Variants in ZNF709 observed in about 807,000 individuals in gnomAD.
ZNF709 encodes zinc finger protein 709.
ZNF709 carries 15 observed loss-of-function variants against 10.6 expected under a neutral mutation model. The ratio of observed to expected loss-of-function variants is 1.41; its 90% CI spans 0.95 to 2.18. The LOEUF (loss-of-function observed/expected upper bound fraction) is 2.18. Ranked by LOEUF, ZNF709 falls within the 30% of genes most tolerant of loss-of-function variation. The pLI, the probability that ZNF709 is intolerant of heterozygous loss-of-function variation, is 0.00. For missense variants in ZNF709, 589 were observed against 774.0 expected (o/e 0.76, Z 2.84); for synonymous variants, 194 against 238.8 (o/e 0.81, Z 1.73).
At chr19:12,477,710 C>CT (rs1044188770) in intron 1 of ZNF709, among the ~76,000 whole-genome samples, 2 of 152,138 alleles carry the variant, frequency 1.3e-5, no homozygotes, top group African/African-American at 4.8e-5. Flanking sequence ...GCTCTTTTAT[C>CT]TTTTTTGCCG....
Position 12,465,608 on chromosome 19 carries a change from C to T in ZNF709, c.314G>A (p.Ser105Asn). ...ACACATATAGTCCTTTCCACACACA[C>T]TACATTCATATGGTTTTACTCTAGT... ...TFTRVKPYEC[S>N]VCGKDYMCHS... Residue 105 changes from serine (S) to asparagine (N), a missense_variant, in exon 4 of 4, where the codon AGT becomes AAT. Physicochemically the swap from Ser to Asn is conservative, Grantham distance 46. This residue lies in a region of ZNF709 where 418 missense variants were observed against 496.3 expected (regional missense o/e 0.84). Transcript: ENST00000397732. 2 of 1,613,876 alleles carry T rather than the reference C, an allele frequency of 1.2e-6. No individual in the cohort carries two copies. Among genetic ancestry groups the T allele is most frequent in the East Asian group, 2.2e-5 (1 of 44,858 alleles).
rs183901348 is a variant in ZNF709 at position 12,473,342 on chromosome 19, T to A, written c.4-6492A>T. On this transcript the variant is annotated intron_variant, in intron 1 of 3. Transcript: ENST00000397732. ...AAAACCTTTTCATTGTTAATTCCAC[T>A]AATACTCATGTATTTAAAGTTCAAA... is the stretch of plus-strand genomic sequence containing the variant. Among the ~76,000 whole-genome samples, 11 of 152,316 alleles carry A rather than the reference T, an allele frequency of 7.2e-5. No individual in the cohort carries two copies. In the East Asian group the frequency reaches 1.9e-3, roughly 27 times the overall value.
At position 12,468,072 on chromosome 19, in the gene ZNF709, G is replaced by C. The variant is rs1423195770; in HGVS notation, c.4-1222C>G. Among the ~76,000 whole-genome samples the C allele has an allele frequency of 1.7e-4, 25 of 146,456 alleles. 1 individual carries two copies. Among genetic ancestry groups the C allele is most frequent in the Admixed American group, 1.6e-3 (24 of 14,776 alleles). The stretch of plus-strand genomic sequence containing the variant: ...CAGCCGTCCCGTCCGGGAGGGAGGT[G>C]GGGGGTCAGCCCCCGCCCGGCCAGC... On this transcript the variant is annotated intron_variant, in intron 1 of 3. Transcript: ENST00000397732.
intron 1 of ZNF709, among the ~76,000 whole-genome samples, chr19:12,475,926 T>C (rs1970674039): frequency 6.6e-6 from 1 of 152,224 alleles, no homozygotes; most frequent in Non-Finnish European, 1.5e-5. Context: ...CTGAGTCATC[T>C]GATTTTCAAC....
intron 1 of ZNF709, among the ~76,000 whole-genome samples, chr19:12,477,486 G>A (rs1167125325): frequency 1.3e-5 from 2 of 152,138 alleles, no homozygotes; most frequent in African/African-American, 4.8e-5. Context: ...GGGAATTTAG[G>A]CACAGTTATG....
chr19:12,474,195 C>A (rs1200225609), intron 1 of ZNF709, among the ~76,000 whole-genome samples: 2 of 152,216 alleles, frequency 1.3e-5, no homozygotes, highest in East Asian at 3.8e-4. Flanking sequence ...AGCTTCATCT[C>A]CCCATTTCCC....
chr19:12,467,673 C>T (rs1042049081), intron 1 of ZNF709, among the ~76,000 whole-genome samples: 3 of 151,592 alleles, frequency 2.0e-5, no homozygotes, highest in South Asian at 2.1e-4. Context: ...TCTTCCCGGC[C>T]GCCATCACAT....
At position 12,467,827 on chromosome 19, in the gene ZNF709, G is replaced by T. The variant is rs1377294652; in HGVS notation, c.4-977C>A. 2.7e-5 allele frequency among the ~76,000 whole-genome samples: 4 copies of T among 148,570 alleles called. No individual in the cohort carries two copies. In the South Asian group the frequency reaches 6.4e-4, roughly 24 times the overall value. On this transcript the variant is annotated intron_variant, in intron 1 of 3. Transcript: ENST00000397732. ...GGGAGGTGAGGAGTGCCTCTGCCCG[G>T]CCGCAACCCCGTCTGAGAAGTGAGG...
intron 1 of ZNF709, among the ~76,000 whole-genome samples, chr19:12,468,520 C>A (rs1970604465): frequency 6.6e-6 from 1 of 151,606 alleles, no homozygotes; most frequent in East Asian, 1.9e-4. Flanking sequence ...GTCATCACCA[C>A]TCCCTAATCT....
rs747734191 is a variant in ZNF709, at chr19:12,464,955, AG to A, written c.966del (p.Phe323LeufsTer33). 6.2e-7 allele frequency: 1 copy of A among 1,604,424 alleles called. No homozygotes were observed. On this transcript the variant is annotated frameshift_variant, in exon 4 of 4. Transcript: ENST00000397732. LOFTEE classifies it low-confidence loss of function (END_TRUNC). ...KCGKAFSFPS[S>X]FRKHERIHTG... ...GTATGAATTCTTTCATGTTTTCTAA[AG>A]GAACTAGGAAAACTGAAGGCTTTCC...
intron 1 of ZNF709, 55 bp from the exon 2 acceptor site, chr19:12,466,905 TATAA>T: frequency 6.4e-7 from 1 of 1,568,254 alleles, no homozygotes; most frequent in Admixed American, 2.1e-5. Context: ...GCACTGGGGA[TATAA>T]ACTCAGTTCA....
In ZNF709 at chr19:12,464,640, C is replaced by T. The variant is rs1421071317; in HGVS notation, c.1282G>A (p.Ala428Thr). The T allele has an allele frequency of 1.9e-6, 3 of 1,612,328 alleles. No homozygotes were observed. Among genetic ancestry groups the T allele is most frequent in the Admixed American group, 1.7e-5 (1 of 59,758 alleles). Residue 428 changes from alanine (A) to threonine (T), a missense_variant, in exon 4 of 4, where the codon GCC becomes ACC. By Grantham distance (58) the Ala-to-Thr change is moderately conservative. Around this residue, in one of 2 missense-constraint regions of ZNF709, gnomAD observed 171 missense variants for 277.7 expected, o/e 0.62. Coordinates refer to ENST00000397732, the MANE Select transcript of ZNF709 (RefSeq NM_152601.4). ...KPHECKQCGK[A>T]FSCSSSVRIH... ...CGAACAGAACTGGAACAACTGAAGG[C>T]TTTACCACATTGTTTACATTCATGG...
chr19:12,480,551 C>T (rs577999043), intron 1 of ZNF709, among the ~76,000 whole-genome samples: 30 of 151,990 alleles, frequency 2.0e-4, no homozygotes, highest in Middle Eastern at 3.4e-3. Flanking sequence ...GGCGTGGTGG[C>T]GAGCGCCTGT....
At chr19:12,471,151 G>A (rs948588774) in intron 1 of ZNF709, among the ~76,000 whole-genome samples, 11 of 152,034 alleles carry the variant, frequency 7.2e-5, no homozygotes, top group African/African-American at 2.7e-4. Flanking sequence ...GGGGAATTGA[G>A]CCCATTCCAT....
At chr19:12,468,536 A>T (rs1238852224) in intron 1 of ZNF709, among the ~76,000 whole-genome samples, 1 of 151,398 alleles carries the variant, frequency 6.6e-6, no homozygotes, top group East Asian at 1.9e-4. Context: ...AATCTCAAGT[A>T]CCCAGGGACA....
At chr19:12,484,611 C>T in intron 1 of ZNF709, 44 bp downstream of exon 1, 1 of 1,610,822 alleles carries the variant, frequency 6.2e-7, no homozygotes, top group South Asian at 1.1e-5. Flanking sequence ...GGTTTCAACC[C>T]GCCCCTCTCT....
Position 12,464,777 on chromosome 19 carries a change from T to C in ZNF709, c.1145A>G (p.His382Arg). 1.2e-6 allele frequency: 2 copies of C among 1,613,768 alleles called. No homozygotes were observed. The highest frequency in any genetic ancestry group is 2.2e-5 in the East Asian group (1 of 44,878). Residue 382 changes from histidine (H) to arginine (R), a missense_variant, in exon 4 of 4, where the codon CAT becomes CGT. His to Arg is a conservative substitution (Grantham distance 29). Around this residue, in one of 2 missense-constraint regions of ZNF709, gnomAD observed 418 missense variants for 496.3 expected, o/e 0.84. Transcript: ENST00000397732. ...AFDCPSSFQI[H>R]ERTHTGEKPY... ...TTTCTCTCCAGTGTGAGTTCGTTCA[T>C]GGATTTGAAAAGAACTAGGACAATC...
At chr19:12,472,781 G>A (rs868260016) in intron 1 of ZNF709, among the ~76,000 whole-genome samples, 2 of 151,882 alleles carry the variant, frequency 1.3e-5, no homozygotes, top group East Asian at 3.9e-4. Context: ...TACTCAGGTA[G>A]CCAAGACACG....
intron 2 of ZNF709, 101 bp downstream of exon 2, chr19:12,466,623 C>A: frequency 6.2e-7 from 1 of 1,603,768 alleles, no homozygotes; most frequent in Non-Finnish European, 8.5e-7. Flanking sequence ...ATTTATTTAC[C>A]AAAGTATTCC....
Sources: gnomAD v4.1 joint callset for allele counts (sites outside exome capture counted in the v4.1 genomes callset) on GRCh38, gnomAD v4.1.1 for gene constraint, gnomAD v4.1.1 regional missense constraint, MANE v1.5 for transcripts, NCBI Gene and HGNC (gene_info 2026-07-23, HGNC 2026-07-21) for gene names.